Variants in ROBO2 observed in about 807,000 individuals in gnomAD.
ROBO2 encodes roundabout guidance receptor 2.
A neutral mutation model predicts 160.8 loss-of-function variants in ROBO2; 53 were observed. That is an observed-to-expected ratio of 0.33 (90% CI 0.26 to 0.41). The LOEUF (loss-of-function observed/expected upper bound fraction) is 0.41. Among genes scored for constraint, ROBO2 ranks in the 10% least tolerant of loss-of-function variants. ROBO2 has a pLI of 1.00. For missense variants in ROBO2, 1,577 were observed against 1,722.4 expected, an observed-to-expected ratio of 0.92 and a Z score of 1.49; for synonymous variants, 664 against 611.7, an observed-to-expected ratio of 1.09 and a Z score of -1.26.
At chr3:76,074,199 G>A (rs577807971) in intron 2 of ROBO2, among the ~76,000 whole-genome samples, 1 of 149,594 alleles carries the variant, frequency 6.7e-6, no homozygotes, top group African/African-American at 2.5e-5. Flanking sequence ...TCTCTGTGGC[G>A]CCTGTGTGGA....
chr3:76,355,028 G>C (rs185573608), intron 2 of ROBO2, among the ~76,000 whole-genome samples: 33 of 150,966 alleles, frequency 2.2e-4, no homozygotes, highest in African/African-American at 7.8e-4. Context: ...GTATGTTTAT[G>C]TGTATGTGTA....
At chr3:76,434,666 C>A (rs2076585758) in intron 2 of ROBO2, 1 of 1,198,078 alleles carries the variant, frequency 8.3e-7, no homozygotes, top group Non-Finnish European at 1.2e-6. Flanking sequence ...GCCATCTGGA[C>A]CCTCTGCTGG....
intron 5 of ROBO2, among the ~76,000 whole-genome samples, chr3:77,505,366 T>C (rs1304041003): frequency 6.6e-6 from 1 of 151,980 alleles, no homozygotes; most frequent in Non-Finnish European, 1.5e-5. Flanking sequence ...TAATTGTATG[T>C]CAGAGTTATT....
intron 2 of ROBO2, among the ~76,000 whole-genome samples, chr3:76,199,142 G>A (rs919310521): frequency 6.6e-6 from 1 of 152,084 alleles, no homozygotes; most frequent in Non-Finnish European, 1.5e-5. Flanking sequence ...AGCCCTCCCA[G>A]TCTGCCACCC....
In ROBO2 at chr3:76,674,824, C is replaced by T. The variant is rs145442827; in HGVS notation, c.110-423190C>T. Among the ~76,000 whole-genome samples, 13 of 152,166 alleles carry T rather than the reference C, an allele frequency of 8.5e-5. No homozygotes were observed. In the East Asian group the frequency reaches 1.2e-3, roughly 14 times the overall value. On this transcript the variant is annotated intron_variant, in intron 2 of 26. Transcript: ENST00000487694. ...CACTAGCAACGCCTTCACACCTAGG[C>T]TTTGTTTTTGAGAAAGTCTGGCTAT...
chr3:76,225,779 G>C (rs988791025), intron 2 of ROBO2, among the ~76,000 whole-genome samples: 14 of 152,040 alleles, frequency 9.2e-5, no homozygotes, highest in African/African-American at 3.1e-4. Flanking sequence ...AAGAAGGAAA[G>C]TTATAAAAAT....
intron 2 of ROBO2, among the ~76,000 whole-genome samples, chr3:76,729,917 C>A (rs577701998): frequency 2.0e-5 from 3 of 152,042 alleles, no homozygotes; most frequent in African/African-American, 7.2e-5. Flanking sequence ...GGATTATGGG[C>A]GTGAGCCACT....
At chr3:77,427,959 TCA>T (rs1292263980) in intron 2 of ROBO2, among the ~76,000 whole-genome samples, 2 of 152,334 alleles carry the variant, frequency 1.3e-5, no homozygotes, top group African/African-American at 4.8e-5. Flanking sequence ...CCATTTCTTT[TCA>T]CAGAGTTGAG....
chr3:77,522,050 T>C (rs2090651830), intron 5 of ROBO2, among the ~76,000 whole-genome samples: 1 of 151,314 alleles, frequency 6.6e-6, no homozygotes, highest in African/African-American at 2.4e-5. Flanking sequence ...TTAGTTTGTG[T>C]AATTATAATT....
chr3:77,364,281 A>G (rs557550401), intron 2 of ROBO2, among the ~76,000 whole-genome samples: 1 of 152,000 alleles, frequency 6.6e-6, no homozygotes, highest in South Asian at 2.1e-4. Context: ...TTTTAATATT[A>G]TCTAGTGTGG....
intron 2 of ROBO2, among the ~76,000 whole-genome samples, chr3:76,644,094 A>G (rs899323679): frequency 6.6e-6 from 1 of 152,208 alleles, no homozygotes; most frequent in African/African-American, 2.4e-5. Flanking sequence ...ATCTTTGGCT[A>G]ACAACACATT....
At chr3:76,134,375 A>T (rs577178561) in intron 2 of ROBO2, among the ~76,000 whole-genome samples, 4 of 152,086 alleles carry the variant, frequency 2.6e-5, no homozygotes, top group Admixed American at 1.3e-4. Flanking sequence ...ATGTATTCTC[A>T]TCTTGAGAGT....
chr3:77,531,411 T>A (rs757806257), intron 6 of ROBO2, among the ~76,000 whole-genome samples: 1 of 151,914 alleles, frequency 6.6e-6, no homozygotes, highest in Non-Finnish European at 1.5e-5. Context: ...CATTTTTTTT[T>A]TAATGTTTCA....
intron 2 of ROBO2, among the ~76,000 whole-genome samples, chr3:77,136,925 G>A (rs936999235): frequency 1.3e-5 from 2 of 152,008 alleles, no homozygotes; most frequent in African/African-American, 2.4e-5. Flanking sequence ...CTGAGCCACC[G>A]TGCCTGGCCA....
intron 2 of ROBO2, among the ~76,000 whole-genome samples, chr3:75,972,282 C>G (rs2065019013): frequency 6.6e-6 from 1 of 151,580 alleles, no homozygotes; most frequent in South Asian, 2.1e-4. Context: ...AAATAGTATA[C>G]TTGATTGTTA....
intron 2 of ROBO2, among the ~76,000 whole-genome samples, chr3:76,719,319 G>C (rs1345862251): frequency 6.6e-6 from 1 of 152,140 alleles, no homozygotes; most frequent in East Asian, 1.9e-4. Flanking sequence ...CAATATTCAT[G>C]TTGCCACACA....
intron 2 of ROBO2, among the ~76,000 whole-genome samples, chr3:77,216,831 G>A (rs1259657879): frequency 1.3e-5 from 2 of 151,996 alleles, no homozygotes; most frequent in Non-Finnish European, 2.9e-5. Flanking sequence ...TATTTAGAAT[G>A]CCATATTTTT....
chr3:77,104,620 G>C lies in ROBO2; in HGVS notation c.388+6280G>C, dbSNP rs548808977. On this transcript the variant is annotated intron_variant, in intron 2 of 25. Coordinates refer to ENST00000461745, the Ensembl canonical transcript of ROBO2. ...AAGAGTAGAATTGTCGAGTCATATG[G>C]TAACTGTTTAACTTTTTGAAGAATA... Among the ~76,000 whole-genome samples the C allele has an allele frequency of 1.4e-3, 206 of 152,142 alleles. 1 individual carries two copies. The highest frequency in any genetic ancestry group is 4.5e-3 in the African/African-American group (187 of 41,536).
At chr3:76,666,963 T>C (rs569249857) in intron 2 of ROBO2, among the ~76,000 whole-genome samples, 1 of 152,176 alleles carries the variant, frequency 6.6e-6, no homozygotes, top group South Asian at 2.1e-4. Context: ...ATATGACATA[T>C]ATATATGACA....
Sources: allele counts gnomAD v4.1 joint callset (sites outside exome capture counted in the v4.1 genomes callset), GRCh38; gene constraint gnomAD v4.1.1; transcripts MANE v1.5; gene names NCBI Gene and HGNC (gene_info 2026-07-23, HGNC 2026-07-21).